ERH: variants seen among roughly 807,000 people sequenced by gnomAD.
The protein encoded by ERH is ERH mRNA splicing and mitosis factor.
In ERH, 1 loss-of-function variant was observed where a neutral mutation model predicts 16.8. That is an observed-to-expected ratio of 0.06 (90% CI 0.02 to 0.28). The LOEUF (loss-of-function observed/expected upper bound fraction) is 0.28, where lower values mean the gene tolerates loss of function less well. Ranked by LOEUF, ERH falls within the 10% of genes least tolerant of loss-of-function variation. The probability of loss-of-function intolerance (pLI) is 1.00; values close to 1 mark genes in which losing one functional copy is unlikely to be tolerated. For missense variants in ERH, 42 were observed against 127.5 expected (o/e 0.33, Z 3.23); for synonymous variants, 43 against 43.6 (o/e 0.99, Z 0.05).
At chr14:69,398,009 G>A (rs1882404598) in intron 1 of ERH, 2 of 615,870 alleles carry the variant, frequency 3.2e-6, no homozygotes, top group South Asian at 1.9e-5. Context: ...CCGGACCCGA[G>A]CGAGCAGGCG....
intron 3 of ERH, among the ~76,000 whole-genome samples, chr14:69,383,791 T>A (rs952159464): frequency 6.6e-6 from 1 of 152,210 alleles, no homozygotes; most frequent in African/African-American, 2.4e-5. Flanking sequence ...GTTGCTTTAA[T>A]ATAGCAAATA....
chr14:69,386,536 C>T, intron 3 of ERH: 1 of 152,966 alleles, frequency 6.5e-6, no homozygotes, highest in Non-Finnish European at 1.5e-5. Context: ...TCTAACATAC[C>T]AAAATATACG....
chr14:69,383,660 G>A (rs189684676), intron 3 of ERH, among the ~76,000 whole-genome samples: 1 of 152,060 alleles, frequency 6.6e-6, no homozygotes, highest in Non-Finnish European at 1.5e-5. Context: ...GATAATTTAC[G>A]GTTTTTAACA....
chr14:69,393,672 G>T (rs1205545722), intron 2 of ERH, among the ~76,000 whole-genome samples: 1 of 152,176 alleles, frequency 6.6e-6, no homozygotes, highest in Non-Finnish European at 1.5e-5. Flanking sequence ...TGGGAGAATG[G>T]TGAGGGATGA....
intron 1 of ERH, among the ~76,000 whole-genome samples, chr14:69,397,050 A>G (rs1241660925): frequency 6.6e-6 from 1 of 152,230 alleles, no homozygotes; most frequent in Non-Finnish European, 1.5e-5. Context: ...AAGGGTAAGA[A>G]TGGAAAAAGC....
intron 3 of ERH, among the ~76,000 whole-genome samples, chr14:69,382,532 T>G (rs2045868603): frequency 6.6e-6 from 1 of 152,074 alleles, no homozygotes; most frequent in Non-Finnish European, 1.5e-5. Flanking sequence ...CATGCAATTT[T>G]CCAACTCATC....
chr14:69,380,714 C>G (rs554098638), intron 3 of ERH, 74 bp from the exon 4 acceptor site: 1 of 821,882 alleles, frequency 1.2e-6, no homozygotes, highest in East Asian at 2.5e-5. Context: ...CAAATTATAA[C>G]TGCCCAATGA....
chr14:69,384,163 G>T (rs562693607), intron 3 of ERH, among the ~76,000 whole-genome samples: 1 of 152,138 alleles, frequency 6.6e-6, no homozygotes, highest in East Asian at 1.9e-4. Context: ...TATCTCACAC[G>T]TAGACATTAA....
chr14:69,395,638 A>G (rs1373018882), intron 1 of ERH, among the ~76,000 whole-genome samples: 2 of 152,214 alleles, frequency 1.3e-5, no homozygotes, highest in African/African-American at 4.8e-5. Context: ...GTTTCAACTT[A>G]AGCTTTTTTT....
chr14:69,397,118 T>C (rs1470402478), intron 1 of ERH, among the ~76,000 whole-genome samples: 1 of 152,246 alleles, frequency 6.6e-6, no homozygotes, highest in East Asian at 1.9e-4. Flanking sequence ...CAAAGTTTAC[T>C]ATTTTCAGTA....
At chr14:69,387,118 A>C in intron 2 of ERH, 35 bp from the exon 3 acceptor site, 1 of 1,591,482 alleles carries the variant, frequency 6.3e-7, no homozygotes, top group Non-Finnish European at 8.6e-7. Flanking sequence ...AAAATCTTAC[A>C]ATCGCATACA....
intron 2 of ERH, among the ~76,000 whole-genome samples, chr14:69,387,767 G>A (rs557553936): frequency 2.0e-5 from 3 of 150,844 alleles, no homozygotes; most frequent in African/African-American, 4.9e-5. Flanking sequence ...AGACTAGGCC[G>A]GGCACAGTGG....
chr14:69,397,566 A>C (rs1180470004), intron 1 of ERH, among the ~76,000 whole-genome samples: 1 of 149,908 alleles, frequency 6.7e-6, no homozygotes, highest in Non-Finnish European at 1.5e-5. Context: ...CAGCTTCGAG[A>C]ATAGTTAGAC....
At chr14:69,384,778 A>C (rs986735511) in intron 3 of ERH, among the ~76,000 whole-genome samples, 15 of 152,368 alleles carry the variant, frequency 9.8e-5, no homozygotes, top group Admixed American at 7.8e-4. Flanking sequence ...GAGATGCAGC[A>C]GTGAACAAAC....
intron 1 of ERH, 147 bp downstream of exon 1, chr14:69,398,084 G>C: frequency 9.6e-7 from 1 of 1,041,724 alleles, no homozygotes; most frequent in Non-Finnish European, 1.4e-6. Context: ...TCCCTGCGGC[G>C]GGAAGAAGGG....
chr14:69,391,352 T>C (rs1418719369), intron 2 of ERH, among the ~76,000 whole-genome samples: 3 of 151,960 alleles, frequency 2.0e-5, no homozygotes, highest in Non-Finnish European at 4.4e-5. Flanking sequence ...CATAAAAGCA[T>C]ACTGCTAGGT....
At chr14:69,386,647 C>A in intron 3 of ERH, 1 of 199,558 alleles carries the variant, frequency 5.0e-6, no homozygotes, top group Non-Finnish European at 1.0e-5. Flanking sequence ...AATCCAAAAC[C>A]AATGGCTTTA....
chr14:69,389,597 A>G (rs2045912726), intron 2 of ERH, among the ~76,000 whole-genome samples: 1 of 152,254 alleles, frequency 6.6e-6, no homozygotes. Context: ...AGGTTGCAGG[A>G]TATAGGATTG....
chr14:69,392,384 T>A (rs1240791318), intron 2 of ERH, among the ~76,000 whole-genome samples: 1 of 152,094 alleles, frequency 6.6e-6, no homozygotes, highest in East Asian at 1.9e-4. Flanking sequence ...GGAAACATAA[T>A]AAATGCACAT....
Sources: allele counts gnomAD v4.1 joint callset (sites outside exome capture counted in the v4.1 genomes callset), GRCh38; gene constraint gnomAD v4.1.1; transcripts MANE v1.5; gene names NCBI Gene and HGNC (gene_info 2026-07-23, HGNC 2026-07-21).